The following PDE4D variants were observed in gnomAD, a reference collection of about 807,000 sequenced individuals.
PDE4D encodes the protein phosphodiesterase 4D.
In PDE4D, 24 loss-of-function variants were observed where a neutral mutation model predicts 87.4. The ratio of observed to expected loss-of-function variants is 0.27; its 90% CI spans 0.20 to 0.39. The LOEUF is 0.39. Among genes scored for constraint, PDE4D ranks in the 10% least tolerant of loss-of-function variants. PDE4D has a pLI of 1.00. For missense variants in PDE4D, 714 were observed against 1,041.0 expected, an observed-to-expected ratio of 0.69 and a Z score of 4.32; for synonymous variants, 384 against 383.2, an observed-to-expected ratio of 1.00 and a Z score of -0.02.
intron 1 of PDE4D, among the ~76,000 whole-genome samples, chr5:59,719,221 C>A (rs1170915544): frequency 6.6e-6 from 1 of 151,992 alleles, no homozygotes; most frequent in Non-Finnish European, 1.5e-5. Context: ...AAAAAAAAGG[C>A]CTGATTTGTG....
intron 2 of PDE4D, among the ~76,000 whole-genome samples, chr5:59,201,040 T>C (rs1463121219): frequency 6.6e-6 from 1 of 152,108 alleles, no homozygotes; most frequent in African/African-American, 2.4e-5. Context: ...TTCGGTAATC[T>C]CTAAAATTTT....
chr5:59,970,526 C>T (rs545510132), intron 3 of PDE4D, among the ~76,000 whole-genome samples: 113 of 152,282 alleles, frequency 7.4e-4, no homozygotes, highest in African/African-American at 2.7e-3. Context: ...AAACAAACAA[C>T]CCCATCAAAA....
At chr5:60,178,676 G>C (rs1784135921) in intron 2 of PDE4D, among the ~76,000 whole-genome samples, 1 of 152,130 alleles carries the variant, frequency 6.6e-6, no homozygotes, top group Non-Finnish European at 1.5e-5. Context: ...AATAAGCAGA[G>C]ATGATGACAT....
chr5:59,680,047 C>G (rs957881692), intron 1 of PDE4D, among the ~76,000 whole-genome samples: 5 of 152,098 alleles, frequency 3.3e-5, no homozygotes, highest in Non-Finnish European at 7.4e-5. Flanking sequence ...CTTAGCTTTA[C>G]ATAGGCATTT....
intron 5 of PDE4D, among the ~76,000 whole-genome samples, chr5:59,101,005 C>A (rs933197005): frequency 2.6e-5 from 4 of 152,160 alleles, no homozygotes; most frequent in Non-Finnish European, 4.4e-5. Context: ...TCACAGTGAA[C>A]AATGGTCCTG....
chr5:59,276,591 T>C (rs907634729), intron 1 of PDE4D, among the ~76,000 whole-genome samples: 4 of 152,108 alleles, frequency 2.6e-5, no homozygotes, highest in African/African-American at 4.8e-5. Context: ...ACAGGCACCC[T>C]TGGATCAGAA....
chr5:59,030,422 CAAAAAAAAA>C (rs373275661), intron 6 of PDE4D, among the ~76,000 whole-genome samples: 33 of 58,296 alleles, frequency 5.7e-4, no homozygotes, highest in African/African-American at 2.1e-4. Flanking sequence ...AACAGAGATA[CAAAAAAAAA>C]AAAAAAAAAA....
intron 5 of PDE4D, among the ~76,000 whole-genome samples, chr5:59,049,128 A>G (rs1761152867): frequency 6.6e-6 from 1 of 152,134 alleles, no homozygotes; most frequent in South Asian, 2.1e-4. Context: ...ATCTTAGCCA[A>G]TCTTTCCACC....
chr5:59,957,373 CT>C lies in PDE4D; in HGVS notation c.272+31114del, dbSNP rs571371722. Among the ~76,000 whole-genome samples the C allele has an allele frequency of 3.6e-3, 520 of 145,378 alleles. 2 individuals carry two copies. Among genetic ancestry groups the C allele is most frequent in the African/African-American group, 0.01 (413 of 39,926 alleles). ...AATTCTACTTCCATATAAAGTTGCA[CT>C]TTTTTTTTTTGCTATCAACTCAGTA... On this transcript the variant is annotated intron_variant, in intron 3 of 16. Coordinates refer to the PDE4D transcript ENST00000502484.
intron 1 of PDE4D, among the ~76,000 whole-genome samples, chr5:59,642,436 T>C (rs561215339): frequency 5.7e-4 from 87 of 152,322 alleles, no homozygotes; most frequent in African/African-American, 2.0e-3. Flanking sequence ...TATACTCCCA[T>C]AATTTCCATG....
Position 59,692,255 on chromosome 5 carries a change from C to T in PDE4D, c.455+200913G>A, listed in dbSNP as rs531331522. Among the ~76,000 whole-genome samples the T allele has an allele frequency of 3.9e-5, 6 of 152,148 alleles. No homozygotes were observed. In the South Asian group the frequency reaches 1.2e-3, roughly 32 times the overall value. ...GAGTTTTAAAGAGAGAGCTCTTGGT[C>T]TTCTTGGGAGGGTCTTAAGGATCCG... On this transcript the variant is annotated intron_variant, in intron 1 of 14. Coordinates refer to ENST00000340635, the MANE Select transcript of PDE4D (RefSeq NM_001104631.2).
chr5:60,407,264 G>A (rs1718960746), intron 1 of PDE4D, among the ~76,000 whole-genome samples: 1 of 151,840 alleles, frequency 6.6e-6, no homozygotes, highest in Non-Finnish European at 1.5e-5. Context: ...GGAAGGAGAC[G>A]TTTCTCTCAG....
At chr5:60,171,228 T>A (rs1783397991) in intron 2 of PDE4D, among the ~76,000 whole-genome samples, 1 of 152,028 alleles carries the variant, frequency 6.6e-6, no homozygotes, top group East Asian at 1.9e-4. Flanking sequence ...ATAAACCATA[T>A]GAGAGAATTT....
intron 1 of PDE4D, among the ~76,000 whole-genome samples, chr5:59,703,054 T>C (rs546917024): frequency 6.6e-6 from 1 of 152,210 alleles, no homozygotes; most frequent in East Asian, 1.9e-4. Flanking sequence ...AAGCGTCACA[T>C]AGAAATGTTC....
At chr5:60,296,998 G>A (rs1247084647) in intron 1 of PDE4D, among the ~76,000 whole-genome samples, 3 of 151,886 alleles carry the variant, frequency 2.0e-5, no homozygotes, top group African/African-American at 7.3e-5. Context: ...GTAGATGATG[G>A]GTTGATGGGT....
chr5:59,243,961 G>A (rs952013664), intron 1 of PDE4D, among the ~76,000 whole-genome samples: 2 of 151,854 alleles, frequency 1.3e-5, no homozygotes, highest in African/African-American at 4.8e-5. Context: ...GAAAAAAGAG[G>A]AAAATTTAAA....
intron 5 of PDE4D, chr5:59,174,414 T>C (rs1783495755): frequency 6.6e-6 from 1 of 152,652 alleles, no homozygotes. Context: ...TGCTTGTCAC[T>C]GCATCATGTG....
intron 1 of PDE4D, among the ~76,000 whole-genome samples, chr5:59,256,885 C>A (rs891953476): frequency 6.6e-6 from 1 of 151,912 alleles, no homozygotes; most frequent in Admixed American, 6.6e-5. Flanking sequence ...GTATGGCATA[C>A]GAGTTATATC....
At chr5:58,985,077 T>A (rs551782906) in intron 11 of PDE4D, among the ~76,000 whole-genome samples, 1 of 151,858 alleles carries the variant, frequency 6.6e-6, no homozygotes, top group East Asian at 1.9e-4. Flanking sequence ...ACCTGGCTAA[T>A]TTTTTTGTAT....
Sources: allele counts gnomAD v4.1 joint callset (sites outside exome capture counted in the v4.1 genomes callset), GRCh38; gene constraint gnomAD v4.1.1; transcripts MANE v1.5; gene names NCBI Gene and HGNC (gene_info 2026-07-23, HGNC 2026-07-21).